MEF2A: variants seen among roughly 807,000 people sequenced by gnomAD.
The protein encoded by MEF2A is myocyte-specific enhancer factor 2A.
Under a neutral mutation model 55.8 loss-of-function variants are expected in MEF2A, and 28 were observed. That is an observed-to-expected ratio of 0.50 (90% CI 0.37 to 0.69). The LOEUF (loss-of-function observed/expected upper bound fraction) is 0.69. Among genes scored for constraint, MEF2A ranks in the 30% least tolerant of loss-of-function variants. The probability of loss-of-function intolerance (pLI) is 0.00; values close to 1 mark genes in which losing one functional copy is unlikely to be tolerated. For missense variants in MEF2A, 528 were observed against 626.2 expected (o/e 0.84, Z 1.67); for synonymous variants, 239 against 227.1 (o/e 1.05, Z -0.47).
chr15:99,634,943 A>G (rs1365552432), intron 3 of MEF2A, among the ~76,000 whole-genome samples: 1 of 152,246 alleles, frequency 6.6e-6, no homozygotes, highest in African/African-American at 2.4e-5. Flanking sequence ...TTTGTCACAA[A>G]CTAAAAGAGT....
intron 1 of MEF2A, among the ~76,000 whole-genome samples, chr15:99,579,051 A>G (rs184811329): frequency 1.3e-5 from 2 of 152,300 alleles, no homozygotes; most frequent in African/African-American, 4.8e-5. Context: ...ATAACACATG[A>G]CCTGTGGTAG....
chr15:99,688,269 G>T (rs2153706433), intron 7 of MEF2A, among the ~76,000 whole-genome samples: 1 of 152,300 alleles, frequency 6.6e-6, no homozygotes, highest in East Asian at 1.9e-4. Flanking sequence ...GATAGTATCA[G>T]TTGCAACTAA....
At chr15:99,573,568 G>A (rs1443876938) in intron 1 of MEF2A, among the ~76,000 whole-genome samples, 1 of 152,138 alleles carries the variant, frequency 6.6e-6, no homozygotes, top group Non-Finnish European at 1.5e-5. Flanking sequence ...GCATATCTCT[G>A]TTGTTCATTA....
intron 1 of MEF2A, among the ~76,000 whole-genome samples, chr15:99,584,004 C>T (rs1966667029): frequency 6.6e-6 from 1 of 152,142 alleles, no homozygotes; most frequent in Non-Finnish European, 1.5e-5. Flanking sequence ...TCCTAGTCTA[C>T]AAACCTTTAC....
At chr15:99,706,112 A>T (rs1438514291) in intron 9 of MEF2A, among the ~76,000 whole-genome samples, 1 of 152,230 alleles carries the variant, frequency 6.6e-6, no homozygotes, top group Non-Finnish European at 1.5e-5. Flanking sequence ...CCCTGTCGGC[A>T]GTACTTGATT....
At chr15:99,618,000 A>G (rs955151031) in intron 2 of MEF2A, among the ~76,000 whole-genome samples, 21 of 152,238 alleles carry the variant, frequency 1.4e-4, no homozygotes, top group Non-Finnish European at 4.4e-5. Context: ...TTAAAAAAGC[A>G]CAGAAAATCA....
intron 2 of MEF2A, among the ~76,000 whole-genome samples, chr15:99,608,911 AAAG>A (rs1262245686): frequency 6.6e-6 from 1 of 152,174 alleles, no homozygotes; most frequent in Middle Eastern, 3.2e-3. Context: ...CAAAAAAAAA[AAAG>A]AAGGTGCTAT....
In MEF2A at chr15:99,716,352, A is replaced by T. The variant is rs1412503686; in HGVS notation, c.*3581A>T. The stretch of plus-strand genomic sequence containing the variant: ...ATAAGTTAATCTCAATTTTTCCCTG[A>T]ATGTGTTGTTTTTCTTCATTATACA... On this transcript the variant is annotated 3_prime_UTR_variant, in exon 12 of 12. Transcript: ENST00000557942. 5.7e-6 allele frequency: 2 copies of T among 352,096 alleles called. No homozygotes were observed. Among genetic ancestry groups the T allele is most frequent in the African/African-American group, 4.3e-5 (2 of 46,674 alleles). 21.8% of individuals were successfully genotyped at this position (352,096 alleles called of 1,614,324 possible).
At chr15:99,599,376 A>G (rs866167682) in intron 2 of MEF2A, among the ~76,000 whole-genome samples, 18 of 152,154 alleles carry the variant, frequency 1.2e-4, no homozygotes, top group Admixed American at 1.3e-4. Context: ...AAAATCTTGG[A>G]AAAGGTATCT....
intron 4 of MEF2A, among the ~76,000 whole-genome samples, chr15:99,658,918 G>C (rs142059469): frequency 1.3e-5 from 2 of 152,102 alleles, no homozygotes; most frequent in East Asian, 3.9e-4. Flanking sequence ...AGTCTTCATC[G>C]AATGACCAGA....
intron 1 of MEF2A, among the ~76,000 whole-genome samples, chr15:99,592,895 A>G (rs541523965): frequency 8.1e-4 from 124 of 152,302 alleles, no homozygotes; most frequent in African/African-American, 1.5e-3. Flanking sequence ...TATCCAAATC[A>G]TATCACACAC....
intron 10 of MEF2A, among the ~76,000 whole-genome samples, chr15:99,709,533 A>G (rs1165952667): frequency 6.6e-6 from 1 of 152,250 alleles, no homozygotes; most frequent in African/African-American, 2.4e-5. Flanking sequence ...GGGCAGAGTC[A>G]GGACAGCCCT....
At chr15:99,678,608 T>G (rs2052580636) in intron 7 of MEF2A, 1 of 971,758 alleles carries the variant, frequency 1.0e-6, no homozygotes, top group Non-Finnish European at 1.2e-6. Context: ...TAATTTTTGT[T>G]GCATCTTCTG....
In MEF2A at chr15:99,712,447, C is replaced by T. The variant is rs1483842858; in HGVS notation, c.1194C>T (p.Ile398=). The change falls in exon 12 of 12, where the codon ATC becomes ATT. Residue 398 remains isoleucine (I), a synonymous_variant. Coordinates refer to ENST00000557942, the MANE Select transcript of MEF2A (RefSeq NM_001319206.4). The surrounding 1 kb of genome is among the most constrained non-coding windows in gnomAD (Gnocchi z 4.1). ...TATCCATTAATACCAACCAAAACATCAGCATCAAGTCCGAACCGATTTCAC... is the reference window on the plus strand; with the variant it reads ...TATCCATTAATACCAACCAAAACATTAGCATCAAGTCCGAACCGATTTCAC... The part of the protein sequence containing the change: ...SNLSINTNQN[I]SIKSEPISPP... 2 of 1,550,558 alleles carry T rather than the reference C, an allele frequency of 1.3e-6. No homozygotes were observed. The highest frequency in any genetic ancestry group is 1.7e-6 in the Non-Finnish European group (2 of 1,145,898).
intron 7 of MEF2A, among the ~76,000 whole-genome samples, chr15:99,681,188 A>G (rs1437414731): frequency 6.6e-6 from 1 of 152,356 alleles, no homozygotes; most frequent in East Asian, 1.9e-4. Flanking sequence ...GGTACTAGAC[A>G]TAGAAAGGCT....
chr15:99,633,224 AAG>A (rs1487247390), intron 3 of MEF2A, 51 bp downstream of exon 3: 2 of 1,321,898 alleles, frequency 1.5e-6, no homozygotes, highest in South Asian at 1.5e-5. Context: ...CTTTTAAAAA[AAG>A]AACATAGGAC....
In MEF2A at chr15:99,690,526, T is replaced by TG. The variant is rs772774909; in HGVS notation, c.858+98_858+99insG. ...TGGAATTTTCTGTGCCACCGTAGAA[T>TG]CTACACCTATTCCTAATAAATATTT... On this transcript the variant is annotated intron_variant, in intron 8 of 11. Transcript: ENST00000557942. The TG allele has an allele frequency of 4.1e-6, 4 of 965,266 alleles. No individual in the cohort carries two copies. In the African/African-American group the frequency reaches 6.5e-5, roughly 16 times the overall value. The allele number at this position is 965,266 out of a possible 1,614,324, so 59.8% of individuals were successfully genotyped here.
chr15:99,642,154 C>A (rs1242005667), intron 3 of MEF2A, among the ~76,000 whole-genome samples: 2 of 152,022 alleles, frequency 1.3e-5, no homozygotes, highest in Non-Finnish European at 2.9e-5. Flanking sequence ...TATTTCTTTT[C>A]CCCAGAACAT....
At chr15:99,667,201 T>G (rs1236362940) in intron 4 of MEF2A, among the ~76,000 whole-genome samples, 1 of 151,966 alleles carries the variant, frequency 6.6e-6, no homozygotes, top group Non-Finnish European at 1.5e-5. Context: ...ATAGTTTTGT[T>G]TTTTGGTTTT....
Sources: gnomAD v4.1 joint callset for allele counts (sites outside exome capture counted in the v4.1 genomes callset) on GRCh38, gnomAD v4.1.1 for gene constraint, Gnocchi (gnomAD v3.1) non-coding constraint, MANE v1.5 for transcripts, NCBI Gene and HGNC (gene_info 2026-07-23, HGNC 2026-07-21) for gene names.